Variants in ARSK observed in about 807,000 individuals in gnomAD.
The protein encoded by ARSK is arylsulfatase family member K, also known as arylsulfatase K.
Under a neutral mutation model 53.2 loss-of-function variants are expected in ARSK, and 37 were observed. That is an observed-to-expected ratio of 0.70 (90% CI 0.54 to 0.92). The LOEUF (loss-of-function observed/expected upper bound fraction) is 0.92. Ranked by LOEUF, ARSK falls within the 40% of genes least tolerant of loss-of-function variation. ARSK has a pLI of 0.00. For missense variants in ARSK, 613 were observed against 643.0 expected (o/e 0.95, Z 0.51); for synonymous variants, 208 against 223.2 (o/e 0.93, Z 0.61).
chr5:95,559,475 A>G (rs1238512828), intron 1 of ARSK, among the ~76,000 whole-genome samples: 3 of 152,236 alleles, frequency 2.0e-5, no homozygotes, highest in Non-Finnish European at 4.4e-5. Flanking sequence ...GGACAAATGT[A>G]CTAGGAAACC....
chr5:95,565,964 G>A (rs539875635), intron 1 of ARSK, 34 bp from the exon 2 acceptor site: 1 of 1,555,036 alleles, frequency 6.4e-7, no homozygotes, highest in Admixed American at 2.0e-5. Context: ...CTTTGGTAAT[G>A]TAATCAATGC....
In ARSK at chr5:95,555,377, TGTG is replaced by T; in HGVS notation, c.103_105del (p.Val35del). 6.2e-7 allele frequency: 1 copy of T among 1,609,416 alleles called. No individual in the cohort carries two copies. Among genetic ancestry groups the T allele is most frequent in the Non-Finnish European group, 8.5e-7 (1 of 1,178,412 alleles). On this transcript the variant is annotated inframe_deletion, in exon 1 of 8. Coordinates refer to ENST00000380009, the MANE Select transcript of ARSK (RefSeq NM_198150.3). This position sits in a 1 kb window ranked among gnomAD's most constrained non-coding sequence, Gnocchi z 4.0. Reference sequence around the variant, plus strand: ...GGCGGAGAGCAGCCAAAGCGCCCAATGTGGTGCTGGTCGTGAGCGACTCCTTCG... The same window carrying T: ...GGCGGAGAGCAGCCAAAGCGCCCAATGTGCTGGTCGTGAGCGACTCCTTCG...
intron 1 of ARSK, chr5:95,556,076 A>T (rs1014608097): frequency 3.2e-6 from 2 of 627,674 alleles, no homozygotes; most frequent in Non-Finnish European, 5.7e-6. Flanking sequence ...CTGCTTAGAC[A>T]ATTGTTTGGT....
At chr5:95,596,184 T>A (rs1749305282) in intron 6 of ARSK, among the ~76,000 whole-genome samples, 1 of 152,234 alleles carries the variant, frequency 6.6e-6, no homozygotes, top group African/African-American at 2.4e-5. Context: ...ACTTTATTAG[T>A]GATTAATTCT....
At position 95,603,274 on chromosome 5, in the gene ARSK, T is replaced by C. The variant is rs1280076231; in HGVS notation, c.1359T>C (p.Ala453=). The change falls in exon 8 of 8, where the codon GCT becomes GCC. Residue 453 remains alanine, a synonymous_variant. Coordinates refer to ENST00000380009, the MANE Select transcript of ARSK (RefSeq NM_198150.3). ...SSDPDELTNV[A]VKFPEITYSL... is the part of the protein sequence containing the mutation. The stretch of plus-strand genomic sequence containing the variant: ...ATCCAGATGAATTAACAAATGTTGC[T>C]GTAAAATTTCCAGAAATTACTTATT... 2.4e-5 allele frequency: 38 copies of C among 1,592,398 alleles called. No individual in the cohort carries two copies. Among genetic ancestry groups the C allele is most frequent in the African/African-American group, 4.1e-5 (3 of 73,996 alleles).
chr5:95,592,128 A>G (rs1043837104), intron 6 of ARSK, among the ~76,000 whole-genome samples: 1 of 152,226 alleles, frequency 6.6e-6, no homozygotes, highest in African/African-American at 2.4e-5. Flanking sequence ...GGTAGTTAGC[A>G]GTTTTTGTTG....
intron 7 of ARSK, 93 bp from the exon 8 acceptor site, chr5:95,603,144 A>G: frequency 9.6e-7 from 1 of 1,041,128 alleles, no homozygotes; most frequent in Non-Finnish European, 1.3e-6. Context: ...AAAATCTAAA[A>G]AAAAAATCTA....
chr5:95,572,179 C>T (rs1020285767), intron 3 of ARSK, among the ~76,000 whole-genome samples: 1 of 152,250 alleles, frequency 6.6e-6, no homozygotes, highest in East Asian at 1.9e-4. Context: ...ATACTAGGAT[C>T]GCTATGGGCT....
chr5:95,580,349 C>T (rs916827293), intron 3 of ARSK, among the ~76,000 whole-genome samples: 1 of 152,200 alleles, frequency 6.6e-6, no homozygotes, highest in East Asian at 1.9e-4. Flanking sequence ...ACACTTAGAA[C>T]GATGAGACAA....
In ARSK at chr5:95,566,089, C is replaced by A. The variant is rs779292975; in HGVS notation, c.218C>A (p.Ala73Asp). The change falls in exon 2 of 8, where the codon GCC becomes GAC. Residue 73 changes from alanine to aspartate, a missense_variant. Physicochemically the swap from Ala to Asp is moderately radical, Grantham distance 126. Coordinates refer to ENST00000380009, the MANE Select transcript of ARSK (RefSeq NM_198150.3). ...ACACGTGGGACTTCCTTTCTGAATG[C>A]CTACACAAACTCTCCAATTTGTTGC... is the stretch of plus-strand genomic sequence containing the variant. Reference protein sequence around the residue: ...MKTRGTSFLNAYTNSPICCPS... With the variant: ...MKTRGTSFLNDYTNSPICCPS... 8.1e-6 allele frequency: 13 copies of A among 1,613,552 alleles called. No individual in the cohort carries two copies. The highest frequency in any genetic ancestry group is 1.1e-5 in the Non-Finnish European group (13 of 1,179,846).
rs905742315 is a variant in ARSK, at chr5:95,556,399, G to C, written c.126+995G>C. On this transcript the variant is annotated intron_variant, in intron 1 of 7. Transcript: ENST00000380009. Reference sequence around the variant, plus strand: ...AGCAGGATTGTGCAGAGGAGAAGCTGAATTTTGTTGCCATCTTATGAATGA... The same window carrying C: ...AGCAGGATTGTGCAGAGGAGAAGCTCAATTTTGTTGCCATCTTATGAATGA... 7.6e-5 allele frequency: 45 copies of C among 590,904 alleles called. No individual in the cohort carries two copies. The Admixed American group carries it at 1.3e-3, about 17-fold the overall frequency. The allele number at this position is 590,904 out of a possible 1,614,324, so 36.6% of individuals were successfully genotyped here.
Position 95,566,125 on chromosome 5 carries a change from C to T in ARSK, c.254C>T (p.Ala85Val), listed in dbSNP as rs1487290455. The change falls in exon 2 of 8, where the codon GCA (alanine) becomes GTA (valine). Residue 85 changes from alanine to valine, a missense_variant and splice_region_variant. Coordinates refer to ENST00000380009, the MANE Select transcript of ARSK (RefSeq NM_198150.3). ...TCTCCAATTTGTTGCCCATCACGCG[C>T]AGGTATGAACATCCTTAATATGAAT... ...TNSPICCPSR[A>V]AMWSGLFTHL... is the part of the protein sequence containing the mutation. 15 of 1,612,722 alleles carry T rather than the reference C, an allele frequency of 9.3e-6. No individual in the cohort carries two copies. Among genetic ancestry groups the T allele is most frequent in the Non-Finnish European group, 1.3e-5 (15 of 1,179,634 alleles).
intron 1 of ARSK, chr5:95,556,382 T>C (rs1748509533): frequency 1.6e-6 from 1 of 610,302 alleles, no homozygotes; most frequent in Non-Finnish European, 2.9e-6. Flanking sequence ...GAAGCAGGAT[T>C]GTGCAGAGGA....
intron 3 of ARSK, among the ~76,000 whole-genome samples, chr5:95,574,195 T>A (rs1748884540): frequency 6.6e-6 from 1 of 152,218 alleles, no homozygotes; most frequent in Non-Finnish European, 1.5e-5. Context: ...TTTTTATAGC[T>A]GAATAGTACT....
At position 95,591,445 on chromosome 5, in the gene ARSK, A is replaced by T; in HGVS notation, c.916A>T (p.Thr306Ser). 6.2e-7 allele frequency: 1 copy of T among 1,614,092 alleles called. No individual in the cohort carries two copies. ...ALHQLDLLQK[T>S]IVIYSSDHGE... ...TCATCAATTAGATCTTCTTCAGAAA[A>T]CTATTGTCATATACTCCTCAGACCA... The change falls in exon 6 of 8, where the codon ACT becomes TCT. Residue 306 changes from threonine to serine, a missense_variant. Transcript: ENST00000380009.
intron 1 of ARSK, among the ~76,000 whole-genome samples, chr5:95,564,285 A>G (rs1748689774): frequency 6.6e-6 from 1 of 151,988 alleles, no homozygotes; most frequent in African/African-American, 2.4e-5. Context: ...GCCACTATGC[A>G]CTTTTGTCTT....
At position 95,567,749 on chromosome 5, in the gene ARSK, T is replaced by A. The variant is rs2161258; in HGVS notation, c.257-141T>A. 4.6e-3 allele frequency: 3,148 copies of A among 690,872 alleles called. 21 individuals are homozygous for A. Among genetic ancestry groups the A allele is most frequent in the Middle Eastern group, 8.1e-3 (19 of 2,334 alleles). 42.8% of individuals were successfully genotyped at this position (690,872 alleles called of 1,614,324 possible). A position where few individuals can be genotyped will look rare whatever the true frequency, so the allele number is the denominator to read the frequency against. ...AAAATGAGGTAACAATCAGAAATGT[T>A]TGGTAAGGCACCTAATCTGGGTACG... On this transcript the variant is annotated intron_variant, in intron 2 of 7. Coordinates refer to ENST00000380009, the MANE Select transcript of ARSK (RefSeq NM_198150.3).
intron 1 of ARSK, among the ~76,000 whole-genome samples, chr5:95,565,243 C>G: frequency 6.6e-6 from 1 of 152,080 alleles, no homozygotes; most frequent in Non-Finnish European, 1.5e-5. Context: ...ACTCACTTAT[C>G]AAGCTGCCTA....
Position 95,561,710 on chromosome 5 carries a change from A to G in ARSK, c.127-4288A>G, listed in dbSNP as rs188677753. On this transcript the variant is annotated intron_variant, in intron 1 of 7. Transcript: ENST00000380009. ...AGAAAAAGCAAACATAGAGCCGGAA[A>G]GTAGGTTAGTGGTTGCCTAGGCTTC... 3.8e-3 allele frequency among the ~76,000 whole-genome samples: 581 copies of G among 152,342 alleles called. 6 individuals carry two copies. Among genetic ancestry groups the G allele is most frequent in the Middle Eastern group, 0.024 (7 of 294 alleles).
Sources: gnomAD v4.1 joint callset for allele counts (sites outside exome capture counted in the v4.1 genomes callset) on GRCh38, gnomAD v4.1.1 for gene constraint, Gnocchi (gnomAD v3.1) non-coding constraint, MANE v1.5 for transcripts, NCBI Gene and HGNC (gene_info 2026-07-23, HGNC 2026-07-21) for gene names.